Variants in USP50 observed in about 807,000 individuals in gnomAD.
USP50 encodes ubiquitin carboxyl-terminal hydrolase 50.
In USP50, 37 loss-of-function variants were observed where a neutral mutation model predicts 39.2. The ratio of observed to expected loss-of-function variants is 0.94; its 90% CI spans 0.73 to 1.24. The LOEUF (loss-of-function observed/expected upper bound fraction) is 1.24. Among genes scored for constraint, USP50 ranks in the 50% most tolerant of loss-of-function variants. The pLI is 0.00. For missense variants in USP50, 374 were observed against 398.2 expected, an observed-to-expected ratio of 0.94 and a Z score of 0.52; for synonymous variants, 139 against 144.5, an observed-to-expected ratio of 0.96 and a Z score of 0.27.
chr15:50,500,081 A>ACACTC (rs1271008749), downstream of USP50: 4 of 152,166 alleles, frequency 2.6e-5, no homozygotes, highest in African/African-American at 4.8e-5. Context: ...AGTCAGTAAA[A>ACACTC]CACTCCATAT....
At chr15:50,530,027 C>CCGCCGGGAGGA in intron 5 of USP50, 98 bp from the exon 6 acceptor site, 49 of 1,521,188 alleles carry the variant, frequency 3.2e-5, no homozygotes, top group Non-Finnish European at 4.0e-5. Context: ...AATTTCTTGA[C>CCGCCGGGAGGA]TGGGCACAGT....
At chr15:50,544,510 C>T (rs906881616) in intron 2 of USP50, 77 bp downstream of exon 2, 4 of 1,381,292 alleles carry the variant, frequency 2.9e-6, no homozygotes, top group Non-Finnish European at 4.0e-6. Context: ...AATAGGGATT[C>T]CAGAGTTCCT....
At chr15:50,524,026 A>T (rs1198544527) in intron 6 of USP50, among the ~76,000 whole-genome samples, 1 of 152,256 alleles carries the variant, frequency 6.6e-6, no homozygotes, top group Admixed American at 6.5e-5. Context: ...AAGAACATAC[A>T]ATAGGGCAAG....
At chr15:50,513,606 T>A (rs959150975) in intron 6 of USP50, 5 of 150,120 alleles carry the variant, frequency 3.3e-5, no homozygotes, top group African/African-American at 9.8e-5. Flanking sequence ...GAACTACAAT[T>A]CCATAAGAAA....
intron 6 of USP50, chr15:50,509,328 C>T (rs2052708480): frequency 1.3e-5 from 2 of 150,270 alleles, no homozygotes; most frequent in Admixed American, 1.3e-4. Context: ...AAAATAGTAA[C>T]TTGGACGTCA....
intron 4 of USP50, 60 bp downstream of exon 4, chr15:50,540,989 G>A (rs2053023792): frequency 1.2e-5 from 16 of 1,351,744 alleles, no homozygotes; most frequent in East Asian, 2.3e-5. Flanking sequence ...AAACAGCCCC[G>A]AGAAAATCCG....
downstream of USP50, chr15:50,498,647 C>T (rs775495195): frequency 1.4e-5 from 23 of 1,612,780 alleles, no homozygotes; most frequent in Non-Finnish European, 1.6e-5. Context: ...CTGTGGACTT[C>T]CCGTTAGAAA....
chr15:50,503,732 C>T (rs1566900182), intron 6 of USP50: 1 of 152,156 alleles, frequency 6.6e-6, no homozygotes, highest in Non-Finnish European at 1.5e-5. Context: ...ATTTCTAGGG[C>T]AGTTGCCAGA....
chr15:50,544,640 G>A lies in USP50; in HGVS notation c.195C>T (p.Ile65=). ...VNAISQCLCS[I]LPLVEYFLTG... ...TGAGAAAGTATTCCACCAGCGGCAA[G>A]ATGCTGCAGAGACACTGTGAGATGG... Residue 65 remains isoleucine, a synonymous_variant, in exon 2 of 7, where the codon ATC becomes ATT. Transcript: ENST00000532404. The A allele has an allele frequency of 1.2e-6, 2 of 1,613,908 alleles. No homozygotes were observed. The highest frequency in any genetic ancestry group is 1.7e-6 in the Non-Finnish European group (2 of 1,179,866).
intron 6 of USP50, chr15:50,501,559 G>T (rs1464795685): frequency 6.6e-6 from 1 of 151,194 alleles, no homozygotes. Context: ...TTTAACATTA[G>T]AATAAGGATC....
At chr15:50,514,571 C>CAA (rs1566904616) in intron 6 of USP50, among the ~76,000 whole-genome samples, 7 of 152,074 alleles carry the variant, frequency 4.6e-5, no homozygotes, top group Admixed American at 1.3e-4. Context: ...CTCGCTGTGT[C>CAA]ACCAGGCTGG....
At chr15:50,493,290 A>G (rs1439574844), downstream of USP50, 1 of 515,100 alleles carries the variant, frequency 1.9e-6, no homozygotes, top group African/African-American at 1.9e-5. Flanking sequence ...GGAATATTTG[A>G]CGTGAATCTG....
intron 4 of USP50, among the ~76,000 whole-genome samples, chr15:50,540,650 G>T (rs1208663061): frequency 6.6e-6 from 1 of 152,036 alleles, no homozygotes; most frequent in Non-Finnish European, 1.5e-5. Flanking sequence ...TTGAGACAGA[G>T]ACTCACTCTG....
At chr15:50,544,152 C>T (rs942481046) in intron 2 of USP50, among the ~76,000 whole-genome samples, 6 of 151,860 alleles carry the variant, frequency 4.0e-5, no homozygotes, top group Admixed American at 3.9e-4. Flanking sequence ...ACCAGCCTGG[C>T]CAACATGGTG....
chr15:50,527,946 C>T, intron 6 of USP50, among the ~76,000 whole-genome samples: 1 of 151,958 alleles, frequency 6.6e-6, no homozygotes, highest in Non-Finnish European at 1.5e-5. Flanking sequence ...CTCACAGATG[C>T]TTAGTTCTTA....
At chr15:50,493,330 G>T, downstream of USP50, 2 of 520,414 alleles carry the variant, frequency 3.8e-6, no homozygotes, top group South Asian at 2.8e-5. Context: ...TAAGCATTTT[G>T]GTGTAGGGCT....
chr15:50,520,252 T>C (rs1186940374), intron 6 of USP50, among the ~76,000 whole-genome samples: 1 of 151,282 alleles, frequency 6.6e-6, no homozygotes, highest in Non-Finnish European at 1.5e-5. Flanking sequence ...GCGGTTGTAA[T>C]GGAGCCATGA....
intron 2 of USP50, chr15:50,544,086 G>C (rs1427724975): frequency 5.3e-6 from 2 of 374,626 alleles, no homozygotes; most frequent in Non-Finnish European, 9.9e-6. Context: ...CCAGCACTTT[G>C]GGGGGCCGAG....
At chr15:50,498,897 G>A (rs2052516319), downstream of USP50, 1 of 1,586,348 alleles carries the variant, frequency 6.3e-7, no homozygotes. Flanking sequence ...ATCTTGTTTG[G>A]CACAGAATCA....
Sources: gnomAD v4.1 joint callset for allele counts (sites outside exome capture counted in the v4.1 genomes callset) on GRCh38, gnomAD v4.1.1 for gene constraint, MANE v1.5 for transcripts, NCBI Gene and HGNC (gene_info 2026-07-23, HGNC 2026-07-21) for gene names.